The following WNK2 variants were observed in gnomAD, a reference collection of about 807,000 sequenced individuals.
WNK2 encodes serine/threonine-protein kinase WNK2.
A neutral mutation model predicts 192.1 loss-of-function variants in WNK2; 67 were observed. That is an observed-to-expected ratio of 0.35 (90% confidence interval 0.29 to 0.43). The LOEUF (loss-of-function observed/expected upper bound fraction) is 0.43. WNK2 is among the 20% of genes least tolerant of loss of function. The pLI is 1.00. For missense variants in WNK2, 2,698 were observed against 3,089.7 expected, an observed-to-expected ratio of 0.87 and a Z score of 3.01; for synonymous variants, 1,439 against 1,393.9, an observed-to-expected ratio of 1.03 and a Z score of -0.72.
At chr9:93,308,883 C>A in intron 28 of WNK2, 1 of 1,283,342 alleles carries the variant, frequency 7.8e-7, no homozygotes, top group Non-Finnish European at 9.9e-7. Context: ...GCCCAAGCCC[C>A]GCACTCAGAG....
At chr9:93,272,509 C>CG (rs199829881) in intron 19 of WNK2, among the ~76,000 whole-genome samples, 4,862 of 152,082 alleles carry the variant, frequency 0.032, 129 homozygotes, top group Non-Finnish European at 0.051. Context: ...AGCCCAAGTT[C>CG]GGGGGGATCA....
At chr9:93,219,430 G>A (rs1836394310) in intron 2 of WNK2, among the ~76,000 whole-genome samples, 1 of 152,260 alleles carries the variant, frequency 6.6e-6, no homozygotes, top group African/African-American at 2.4e-5. Context: ...GCATCCAAAA[G>A]TGTGGATATG....
chr9:93,225,190 A>G (rs868281346), intron 2 of WNK2, among the ~76,000 whole-genome samples: 1 of 152,214 alleles, frequency 6.6e-6, no homozygotes. Flanking sequence ...TGTTGAGCCC[A>G]GGAGTTCAAG....
chr9:93,240,071 C>T lies in WNK2; in HGVS notation c.1542+95C>T, dbSNP rs1321814830. 3.6e-5 allele frequency: 47 copies of T among 1,310,234 alleles called. 1 individual carries two copies. Among genetic ancestry groups the T allele is most frequent in the South Asian group, 2.1e-4 (15 of 72,892 alleles). 81.2% of individuals were successfully genotyped at this position (1,310,234 alleles called of 1,614,324 possible). The stretch of plus-strand genomic sequence containing the variant: ...AAAAGTGGGCTGAGGGGGCTTGCTC[C>T]GGAGGGGACTGCAAGGCCAGTGGGT... On this transcript the variant is annotated intron_variant, in intron 7 of 29. Coordinates refer to ENST00000427277, the MANE Select transcript of WNK2 (RefSeq NM_006648.4).
At chr9:93,192,583 G>A (rs553994460) in intron 2 of WNK2, among the ~76,000 whole-genome samples, 23 of 152,216 alleles carry the variant, frequency 1.5e-4, no homozygotes, top group African/African-American at 4.6e-4. Flanking sequence ...ACTGTGTCTC[G>A]GGGGGCCAAG....
At position 93,300,996 on chromosome 9, in the gene WNK2, G is replaced by A. The variant is rs1011334122; in HGVS notation, c.6214+847G>A. ...TATTTTCCTGTGACCTCCCATGACC[G>A]CAGGGATGAAGTCAATGACGCAGTT... is the stretch of plus-strand genomic sequence containing the variant. On this transcript the variant is annotated intron_variant, in intron 26 of 29. Coordinates refer to ENST00000427277, the MANE Select transcript of WNK2 (RefSeq NM_006648.4). Among the ~76,000 whole-genome samples the A allele has an allele frequency of 8.5e-5, 13 of 152,272 alleles. No homozygotes were observed. In the East Asian group the frequency reaches 2.1e-3, roughly 25 times the overall value.
At chr9:93,222,676 T>A (rs1039894591) in intron 2 of WNK2, among the ~76,000 whole-genome samples, 1 of 152,182 alleles carries the variant, frequency 6.6e-6, no homozygotes, top group Non-Finnish European at 1.5e-5. Context: ...AATGTTCATC[T>A]TTATAATGAT....
intron 9 of WNK2, among the ~76,000 whole-genome samples, chr9:93,255,207 G>A (rs915255636): frequency 3.3e-5 from 5 of 152,176 alleles, no homozygotes; most frequent in Admixed American, 6.5e-5. Flanking sequence ...CTACCCCTCC[G>A]TGCCTTTCCT....
intron 2 of WNK2, among the ~76,000 whole-genome samples, chr9:93,211,213 A>T (rs62646612): frequency 4.2e-4 from 1 of 2,390 alleles, no homozygotes; most frequent in African/African-American, 1.6e-3. Flanking sequence ...TACTCATTCA[A>T]TCACTCATCC....
chr9:93,278,268 G>A (rs111772561), intron 19 of WNK2, among the ~76,000 whole-genome samples: 4 of 152,278 alleles, frequency 2.6e-5, no homozygotes, highest in African/African-American at 9.6e-5. Flanking sequence ...GTTCTGGAGA[G>A]GAGAGAGCTG....
chr9:93,264,215 C>T (rs1013516080), intron 16 of WNK2, among the ~76,000 whole-genome samples, 182 bp downstream of exon 16: 1 of 152,132 alleles, frequency 6.6e-6, no homozygotes, highest in African/African-American at 2.4e-5. Flanking sequence ...GGCGGAAACC[C>T]CTTGGGTTTG....
At chr9:93,317,466 G>A in intron 28 of WNK2, 54 bp from the exon 29 acceptor site, 1 of 1,583,358 alleles carries the variant, frequency 6.3e-7, no homozygotes, top group Non-Finnish European at 8.6e-7. Flanking sequence ...ACTAAGGGAG[G>A]CCAGCTGATT....
intron 4 of WNK2, among the ~76,000 whole-genome samples, chr9:93,233,788 C>A (rs1252194121): frequency 6.6e-6 from 1 of 151,552 alleles, no homozygotes; most frequent in Non-Finnish European, 1.5e-5. Flanking sequence ...AATTAGTTAG[C>A]TTGAGCTTTT....
At chr9:93,316,344 A>T (rs1588664611) in intron 28 of WNK2, 1 of 152,214 alleles carries the variant, frequency 6.6e-6, no homozygotes, top group Non-Finnish European at 1.5e-5. Context: ...TTCGGCTGGG[A>T]GTGGATTCAG....
chr9:93,219,868 T>C (rs1836508643), intron 2 of WNK2, among the ~76,000 whole-genome samples: 1 of 152,232 alleles, frequency 6.6e-6, no homozygotes, highest in Non-Finnish European at 1.5e-5. Flanking sequence ...GTGCAGATGG[T>C]GGCACTGGCC....
Position 93,292,450 on chromosome 9 carries a change from A to G in WNK2, c.5026-41A>G, listed in dbSNP as rs772882478. 3.1e-6 allele frequency: 5 copies of G among 1,613,206 alleles called. No homozygotes were observed. In the African/African-American group the frequency reaches 6.7e-5, roughly 22 times the overall value. ...GGTTGGCAGGGTTTGCTCTGTGCTG[A>G]TGTTCACATGAAACCTCTTCATCTC... On this transcript the variant is annotated intron_variant, in intron 22 of 29. Transcript: ENST00000427277.
Position 93,259,374 on chromosome 9 carries a change from G to T in WNK2, c.2826G>T (p.Pro942=). The T allele has an allele frequency of 1.9e-6, 3 of 1,609,378 alleles. No individual in the cohort carries two copies. Among genetic ancestry groups the T allele is most frequent in the Non-Finnish European group, 2.5e-6 (3 of 1,178,344 alleles). Residue 942 remains proline, a synonymous_variant, in exon 12 of 30, where the codon CCG becomes CCT. Coordinates refer to ENST00000427277, the MANE Select transcript of WNK2 (RefSeq NM_006648.4). The surrounding 1 kb of genome is among the most constrained non-coding windows in gnomAD (Gnocchi z 4.8). The part of the protein sequence containing the change: ...VQNMRATPPQ[P]ALPPQPTLPP... ...ATATGAGGGCCACCCCTCCACAGCC[G>T]GCACTGCCTCCACAACCCACACTGC...
chr9:93,238,084 T>G, intron 5 of WNK2, 149 bp from the exon 6 acceptor site: 1 of 649,048 alleles, frequency 1.5e-6, no homozygotes, highest in Non-Finnish European at 2.7e-6. Flanking sequence ...CCGTTTCACA[T>G]ATTTTGCCCA....
rs1406390405 is a variant in WNK2, at chr9:93,247,104, C to G, written c.1543-439C>G. On this transcript the variant is annotated intron_variant, in intron 7 of 29. Coordinates refer to ENST00000427277, the MANE Select transcript of WNK2 (RefSeq NM_006648.4). This position sits in a 1 kb window ranked among gnomAD's most constrained non-coding sequence, Gnocchi z 5.2. ...GCATGTCCTTCCTCCATCTGCAACT[C>G]GGGTGTGGCCCCGTTCCCCATCTTT... Among the ~76,000 whole-genome samples the G allele has an allele frequency of 6.6e-6, 1 of 152,236 alleles. No homozygotes were observed. The highest frequency in any genetic ancestry group is 6.5e-5 in the Admixed American group (1 of 15,292).
Sources: gnomAD v4.1 joint callset for allele counts (sites outside exome capture counted in the v4.1 genomes callset) on GRCh38, gnomAD v4.1.1 for gene constraint, Gnocchi (gnomAD v3.1) non-coding constraint, MANE v1.5 for transcripts, NCBI Gene and HGNC (gene_info 2026-07-23, HGNC 2026-07-21) for gene names.